The following ATXN7L1 variants were observed in gnomAD, a reference collection of about 807,000 sequenced individuals.
ATXN7L1 encodes the protein ataxin 7 like 1, also known as ataxin-7-like protein 1.
ATXN7L1 carries 15 observed loss-of-function variants against 70.8 expected under a neutral mutation model. The ratio of observed to expected loss-of-function variants is 0.21; its 90% CI spans 0.14 to 0.33. The LOEUF is 0.33. Ranked by LOEUF, ATXN7L1 falls within the 10% of genes least tolerant of loss-of-function variation. The pLI, the probability that ATXN7L1 is intolerant of heterozygous loss-of-function variation, is 1.00. For synonymous variants in ATXN7L1, 440 were observed against 445.1 expected, an observed-to-expected ratio of 0.99 and a Z score of 0.14; for missense variants, 975 against 1,097.1, an observed-to-expected ratio of 0.89 and a Z score of 1.57.
Position 105,614,761 on chromosome 7 carries a change from T to C in ATXN7L1, c.1573A>G (p.Thr525Ala), listed in dbSNP as rs763917226. Reference protein sequence around the residue: ...PLPSPAAHITTPVPASVLQPF... With the variant: ...PLPSPAAHITAPVPASVLQPF... ...TGCAAAACGGATGCTGGAACGGGGG[T>C]GGTGATGTGGGCTGCTGGCGAGGGC... The change falls in exon 10 of 12, where the codon ACC becomes GCC. Residue 525 changes from threonine to alanine, a missense_variant. Around this residue, in one of 5 missense-constraint regions of ATXN7L1, gnomAD observed 635 missense variants for 699.4 expected, o/e 0.91. Transcript: ENST00000419735. The surrounding 1 kb of genome is among the most constrained non-coding windows in gnomAD (Gnocchi z 4.3). 4 of 1,549,342 alleles carry C rather than the reference T, an allele frequency of 2.6e-6. No homozygotes were observed. The highest frequency in any genetic ancestry group is 1.4e-5 in the African/African-American group (1 of 72,168).
At chr7:105,822,972 G>T (rs1193011563) in intron 2 of ATXN7L1, among the ~76,000 whole-genome samples, 1 of 151,990 alleles carries the variant, frequency 6.6e-6, no homozygotes, top group Admixed American at 6.6e-5. Flanking sequence ...CATACTCTTG[G>T]GTTCCAGCTC....
intron 2 of ATXN7L1, among the ~76,000 whole-genome samples, chr7:105,811,958 C>T (rs1808491936): frequency 6.6e-6 from 1 of 152,186 alleles, no homozygotes; most frequent in Non-Finnish European, 1.5e-5. Flanking sequence ...TGCCCCCATA[C>T]CTTGTCTTCA....
At chr7:105,761,969 A>G (rs1800618977) in intron 3 of ATXN7L1, among the ~76,000 whole-genome samples, 2 of 152,206 alleles carry the variant, frequency 1.3e-5, no homozygotes. Context: ...GGAGATAAGA[A>G]CAGACACAGT....
chr7:105,647,033 T>G (rs1799149882), intron 4 of ATXN7L1, among the ~76,000 whole-genome samples: 1 of 152,316 alleles, frequency 6.6e-6, no homozygotes, highest in Admixed American at 6.5e-5. Context: ...TGACTTTTAT[T>G]TCTTTAGGGA....
At chr7:105,644,179 A>G (rs1798665155) in intron 4 of ATXN7L1, among the ~76,000 whole-genome samples, 1 of 152,190 alleles carries the variant, frequency 6.6e-6, no homozygotes, top group Non-Finnish European at 1.5e-5. Context: ...TTTGGCAGGA[A>G]AAGAATCTTA....
chr7:105,833,049 G>A (rs961179338), intron 2 of ATXN7L1, among the ~76,000 whole-genome samples: 1 of 152,122 alleles, frequency 6.6e-6, no homozygotes, highest in Non-Finnish European at 1.5e-5. Flanking sequence ...ACCCTCTAAT[G>A]GCTTCTCACC....
At chr7:105,837,538 G>T (rs1011945916) in intron 2 of ATXN7L1, among the ~76,000 whole-genome samples, 1 of 152,178 alleles carries the variant, frequency 6.6e-6, no homozygotes, top group Non-Finnish European at 1.5e-5. Flanking sequence ...TTCAGAAGGG[G>T]TGCATGGGAC....
intron 3 of ATXN7L1, among the ~76,000 whole-genome samples, chr7:105,715,174 G>A (rs980184407): frequency 3.9e-5 from 6 of 152,178 alleles, no homozygotes; most frequent in Non-Finnish European, 8.8e-5. Context: ...AGGCAGCTTG[G>A]TATATCAGAA....
At chr7:105,641,212 CTCTTTTTTTTTTTT>C (rs1798157623) in intron 5 of ATXN7L1, among the ~76,000 whole-genome samples, 2 of 64,034 alleles carry the variant, frequency 3.1e-5, no homozygotes, top group African/African-American at 6.1e-5. Context: ...CTCTCTCTCT[CTCTTTTTTTTTTTT>C]TTTTTTTTTT....
intron 3 of ATXN7L1, among the ~76,000 whole-genome samples, chr7:105,782,812 T>C (rs1803727724): frequency 6.6e-6 from 1 of 152,216 alleles, no homozygotes; most frequent in African/African-American, 2.4e-5. Context: ...CCAGCATTTC[T>C]TGCCTCCAAG....
At chr7:105,870,961 T>C (rs969264750) in intron 2 of ATXN7L1, among the ~76,000 whole-genome samples, 2 of 152,202 alleles carry the variant, frequency 1.3e-5, no homozygotes, top group Non-Finnish European at 2.9e-5. Context: ...CACAAATGAT[T>C]TGCAGCAGAA....
chr7:105,685,816 T>C (rs573015), intron 3 of ATXN7L1, among the ~76,000 whole-genome samples: 84,499 of 152,054 alleles, frequency 0.56, 23,704 homozygotes, highest in South Asian at 0.65. Flanking sequence ...TCAGGGCAGG[T>C]TCTCAGAAAC....
chr7:105,730,801 C>T (rs117050946), intron 3 of ATXN7L1, among the ~76,000 whole-genome samples: 8 of 151,878 alleles, frequency 5.3e-5, no homozygotes, highest in Middle Eastern at 3.4e-3. Flanking sequence ...GTGCCCTAGA[C>T]GAGATCCTGG....
At chr7:105,808,915 A>T (rs1195057351) in intron 2 of ATXN7L1, among the ~76,000 whole-genome samples, 1 of 152,244 alleles carries the variant, frequency 6.6e-6, no homozygotes, top group Non-Finnish European at 1.5e-5. Flanking sequence ...TATCAAAAAC[A>T]CCAATGTCTG....
At chr7:105,745,607 G>A (rs1326104708) in intron 3 of ATXN7L1, among the ~76,000 whole-genome samples, 1 of 152,106 alleles carries the variant, frequency 6.6e-6, no homozygotes, top group Non-Finnish European at 1.5e-5. Context: ...TGTGTTCTAG[G>A]GGCTCTTTCC....
chr7:105,630,922 C>T (rs1356778631), intron 7 of ATXN7L1, among the ~76,000 whole-genome samples: 1 of 151,522 alleles, frequency 6.6e-6, no homozygotes, highest in Admixed American at 6.6e-5. Flanking sequence ...AAAAGAGACA[C>T]ACAGGAAAGG....
At chr7:105,819,641 C>A (rs1399159660) in intron 2 of ATXN7L1, 2 of 890,632 alleles carry the variant, frequency 2.2e-6, no homozygotes, top group Admixed American at 1.7e-5. Flanking sequence ...TCTACAGATA[C>A]AAGTTGAAGT....
rs575672327 is a variant in ATXN7L1, at chr7:105,668,939, A to G, written c.356-3651T>C. 2.0e-5 allele frequency among the ~76,000 whole-genome samples: 3 copies of G among 151,988 alleles called. No homozygotes were observed. The East Asian group carries it at 5.8e-4, about 30-fold the overall frequency. On this transcript the variant is annotated intron_variant, in intron 3 of 11. Coordinates refer to ENST00000419735, the MANE Select transcript of ATXN7L1 (RefSeq NM_020725.2). ...TATATATTTTTTTTTTGCAGAGACA[A>G]AGTCTCTCTATGTTCCCAGGCTGGT...
At chr7:105,633,881 T>C (rs1033639797) in intron 7 of ATXN7L1, among the ~76,000 whole-genome samples, 2 of 152,090 alleles carry the variant, frequency 1.3e-5, no homozygotes, top group Non-Finnish European at 2.9e-5. Context: ...CCCACAAAAC[T>C]GGCTGTGGGA....
Sources: allele counts gnomAD v4.1 joint callset (sites outside exome capture counted in the v4.1 genomes callset), GRCh38; gene constraint gnomAD v4.1.1; regional missense constraint gnomAD v4.1.1; non-coding constraint Gnocchi (gnomAD v3.1); transcripts MANE v1.5; gene names NCBI Gene and HGNC (gene_info 2026-07-23, HGNC 2026-07-21).